Variants in UBE2Q2 observed in about 807,000 individuals in gnomAD.
UBE2Q2 encodes the protein ubiquitin conjugating enzyme E2 Q2, also known as ubiquitin-conjugating enzyme E2 Q2.
UBE2Q2 carries 54 observed loss-of-function variants against 59.9 expected under a neutral mutation model. The observed-to-expected ratio is 0.90, with a 90% CI of 0.72 to 1.13. UBE2Q2 has a LOEUF of 1.13. Among genes scored for constraint, UBE2Q2 ranks in the 50% most tolerant of loss-of-function variants. The pLI, the probability that UBE2Q2 is intolerant of heterozygous loss-of-function variation, is 0.00. For synonymous variants in UBE2Q2, 165 were observed against 155.2 expected, an observed-to-expected ratio of 1.06 and a Z score of -0.47; for missense variants, 433 against 441.9, an observed-to-expected ratio of 0.98 and a Z score of 0.18.
At chr15:75,869,795 C>T (rs1377444913) in intron 4 of UBE2Q2, among the ~76,000 whole-genome samples, 1 of 152,146 alleles carries the variant, frequency 6.6e-6, no homozygotes, top group African/African-American at 2.4e-5. Flanking sequence ...GAGTGCATTC[C>T]AAAGACATTG....
intron 9 of UBE2Q2, among the ~76,000 whole-genome samples, chr15:75,884,683 A>T (rs970214873): frequency 2.0e-5 from 2 of 99,620 alleles, no homozygotes; most frequent in Non-Finnish European, 4.4e-5. Context: ...TTATTGAGAT[A>T]GGTTCTCGCT....
At position 75,854,474 on chromosome 15, in the gene UBE2Q2, A is replaced by C. The variant is rs748376950; in HGVS notation, c.269A>C (p.Lys90Thr). ...GTTCTGGAACGTCTAGAAGATACTA[A>C]GAACAACAATTTGGTAAGAAAATAA... ...TSVLERLEDT[K>T]NNNLLRQQLK... Residue 90 changes from lysine to threonine, a missense_variant, in exon 2 of 13, where the codon AAG (lysine) becomes ACG (threonine). Physicochemically the swap from Lys to Thr is moderately conservative, Grantham distance 78. Coordinates refer to ENST00000267938, the MANE Select transcript of UBE2Q2 (RefSeq NM_173469.4). The C allele has an allele frequency of 1.2e-6, 2 of 1,609,112 alleles. No individual in the cohort carries two copies. The highest frequency in any genetic ancestry group is 2.2e-5 in the South Asian group (2 of 90,068).
intron 9 of UBE2Q2, among the ~76,000 whole-genome samples, chr15:75,889,495 A>G (rs1029477651): frequency 2.6e-5 from 4 of 152,192 alleles, no homozygotes; most frequent in Non-Finnish European, 5.9e-5. Flanking sequence ...GTTAACTGGA[A>G]TGGAAGATGT....
chr15:75,894,494 G>A (rs1427938308), intron 11 of UBE2Q2, among the ~76,000 whole-genome samples: 1 of 152,130 alleles, frequency 6.6e-6, no homozygotes, highest in Non-Finnish European at 1.5e-5. Context: ...TGAGGTAGGA[G>A]AATTCCTTGA....
intron 1 of UBE2Q2, chr15:75,844,053 C>T (rs1896176569): frequency 7.1e-7 from 1 of 1,407,834 alleles, no homozygotes; most frequent in South Asian, 1.6e-5. Context: ...CGCGTCTTTC[C>T]GGCTTCTCGC....
chr15:75,876,083 A>AAAT, intron 5 of UBE2Q2, 104 bp from the exon 6 acceptor site: 4 of 1,130,668 alleles, frequency 3.5e-6, no homozygotes, highest in Non-Finnish European at 5.0e-6. Flanking sequence ...AAAAAAAAAA[A>AAAT]TGTTGAGTGG....
intron 4 of UBE2Q2, among the ~76,000 whole-genome samples, chr15:75,871,012 GT>G (rs1210285002): frequency 6.6e-6 from 1 of 152,190 alleles, no homozygotes; most frequent in Admixed American, 6.5e-5. Flanking sequence ...CAGCCTCTGA[GT>G]TCCCTTAGTA....
At chr15:75,858,235 A>C (rs938115308) in intron 2 of UBE2Q2, among the ~76,000 whole-genome samples, 2 of 152,192 alleles carry the variant, frequency 1.3e-5, no homozygotes, top group African/African-American at 2.4e-5. Context: ...CAGAGTTTCA[A>C]ACCCATATAT....
At chr15:75,875,997 G>A (rs60882949) in intron 5 of UBE2Q2, among the ~76,000 whole-genome samples, 190 bp from the exon 6 acceptor site, 3,951 of 150,158 alleles carry the variant, frequency 0.026, 201 homozygotes, top group African/African-American at 0.092. Flanking sequence ...GCAGGGAGGC[G>A]GAGGTTGCAG....
At chr15:75,847,240 A>G (rs1277362757) in intron 1 of UBE2Q2, among the ~76,000 whole-genome samples, 1 of 152,240 alleles carries the variant, frequency 6.6e-6, no homozygotes, top group Non-Finnish European at 1.5e-5. Flanking sequence ...TTGAACAAAA[A>G]TCTTAACTGC....
chr15:75,876,560 T>C (rs949504157), intron 6 of UBE2Q2, among the ~76,000 whole-genome samples: 3 of 152,228 alleles, frequency 2.0e-5, no homozygotes, highest in African/African-American at 7.2e-5. Context: ...GGGGAAAGCA[T>C]GAGCGATATT....
At chr15:75,844,373 C>A in intron 1 of UBE2Q2, 1 of 1,551,096 alleles carries the variant, frequency 6.4e-7, no homozygotes, top group Non-Finnish European at 8.7e-7. Flanking sequence ...GACTCGTTGA[C>A]GGAGGAAAAG....
Position 75,873,554 on chromosome 15 carries a change from C to CA in UBE2Q2, c.576dup (p.Asp193ArgfsTer16), listed in dbSNP as rs1413495385. The CA allele has an allele frequency of 6.2e-7, 1 of 1,612,508 alleles. No homozygotes were observed. The highest frequency in any genetic ancestry group is 1.7e-5 in the Admixed American group (1 of 59,674). On this transcript the variant is annotated frameshift_variant, in exon 5 of 13. Coordinates refer to ENST00000267938, the MANE Select transcript of UBE2Q2 (RefSeq NM_173469.4). LOFTEE classifies it high-confidence loss of function. ...AGAGAAAATTAGGAAGACTCAAAGGCAAGACCATTTAAATGTAAGTGTGTG... is the reference window on the plus strand; with the variant it reads ...AGAGAAAATTAGGAAGACTCAAAGGCAAAGACCATTTAAATGTAAGTGTGTG...
At chr15:75,890,328 T>C in intron 9 of UBE2Q2, 107 bp from the exon 10 acceptor site, 1 of 787,072 alleles carries the variant, frequency 1.3e-6, no homozygotes, top group Non-Finnish European at 2.1e-6. Flanking sequence ...TGCATGTTAT[T>C]TTCTCATCCT....
intron 3 of UBE2Q2, among the ~76,000 whole-genome samples, chr15:75,868,311 A>G (rs1310077924): frequency 2.0e-5 from 3 of 152,220 alleles, no homozygotes; most frequent in African/African-American, 7.2e-5. Flanking sequence ...AGTCCTTCCT[A>G]AAACCCCATC....
rs1391318258 is a variant in UBE2Q2, at chr15:75,883,438, A to G, written c.884+14A>G. ...TCTCTCAGGAGGGTAAGTTTAAGTG[A>G]CTACTTAAAAAGAAATTTTTTTCAG... is the stretch of plus-strand genomic sequence containing the variant. On this transcript the variant is annotated intron_variant, in intron 9 of 12. Coordinates refer to ENST00000267938, the MANE Select transcript of UBE2Q2 (RefSeq NM_173469.4). 1 of 1,599,366 alleles carries G rather than the reference A, an allele frequency of 6.3e-7. No individual in the cohort carries two copies. Among genetic ancestry groups the G allele is most frequent in the South Asian group, 1.1e-5 (1 of 88,078 alleles).
chr15:75,870,314 C>T (rs937019522), intron 4 of UBE2Q2, among the ~76,000 whole-genome samples: 1 of 152,120 alleles, frequency 6.6e-6, no homozygotes, highest in African/African-American at 2.4e-5. Flanking sequence ...AGTGATCCAC[C>T]ACTGGCCTCC....
intron 9 of UBE2Q2, among the ~76,000 whole-genome samples, chr15:75,887,645 A>G (rs1392579277): frequency 2.6e-5 from 4 of 151,644 alleles, no homozygotes; most frequent in Non-Finnish European, 4.4e-5. Flanking sequence ...GTTGAGGAAC[A>G]GGGGAGTGAC....
At chr15:75,877,175 A>AT (rs1226102491) in intron 6 of UBE2Q2, among the ~76,000 whole-genome samples, 93 of 150,844 alleles carry the variant, frequency 6.2e-4, no homozygotes, top group African/African-American at 2.2e-3. Context: ...AAAAAAAAAA[A>AT]AAAAAAAAGG....
Sources: gnomAD v4.1 joint callset for allele counts (sites outside exome capture counted in the v4.1 genomes callset) on GRCh38, gnomAD v4.1.1 for gene constraint, MANE v1.5 for transcripts, NCBI Gene and HGNC (gene_info 2026-07-23, HGNC 2026-07-21) for gene names.